SDK2: variants seen among roughly 807,000 people sequenced by gnomAD.
SDK2 encodes the protein protein sidekick-2.
Under a neutral mutation model 253.9 loss-of-function variants are expected in SDK2, and 105 were observed. The ratio of observed to expected loss-of-function variants is 0.41; its 90% CI spans 0.35 to 0.49. The LOEUF is 0.49. Among genes scored for constraint, SDK2 ranks in the 20% least tolerant of loss-of-function variants. SDK2 has a pLI of 0.06. For missense variants in SDK2, 2,608 were observed against 3,003.0 expected (o/e 0.87, Z 3.07); for synonymous variants, 1,249 against 1,234.9 (o/e 1.01, Z -0.24).
intron 5 of SDK2, among the ~76,000 whole-genome samples, chr17:73,446,902 G>C (rs1026527018): frequency 6.6e-6 from 1 of 152,058 alleles, no homozygotes; most frequent in Non-Finnish European, 1.5e-5. Flanking sequence ...CCAGTAGGGA[G>C]AACCAGGCCA....
chr17:73,500,335 T>TC (rs2063879091), intron 2 of SDK2, among the ~76,000 whole-genome samples: 1 of 117,052 alleles, frequency 8.5e-6, no homozygotes, highest in African/African-American at 3.3e-5. Flanking sequence ...CCTCCCTCCA[T>TC]CTCCTCCATC....
At chr17:73,456,166 T>TGAC in intron 3 of SDK2, 113 bp from the exon 4 acceptor site, 1 of 1,211,132 alleles carries the variant, frequency 8.3e-7, no homozygotes, top group South Asian at 1.7e-5. Context: ...GCAGACAGGA[T>TGAC]GACCACAGGG....
chr17:73,602,087 G>A (rs765579533), intron 1 of SDK2, among the ~76,000 whole-genome samples: 12 of 152,180 alleles, frequency 7.9e-5, no homozygotes, highest in African/African-American at 2.2e-4. Flanking sequence ...GCTTCGTTGC[G>A]GCAGCCACAG....
At chr17:73,458,377 C>G (rs1003834109) in intron 3 of SDK2, among the ~76,000 whole-genome samples, 1 of 152,180 alleles carries the variant, frequency 6.6e-6, no homozygotes, top group East Asian at 1.9e-4. Flanking sequence ...CCCAGGCATC[C>G]CCCAGGGCAC....
At chr17:73,605,105 A>C (rs1220993251) in intron 1 of SDK2, among the ~76,000 whole-genome samples, 2 of 152,218 alleles carry the variant, frequency 1.3e-5, no homozygotes, top group Non-Finnish European at 2.9e-5. Context: ...ACCAACATGG[A>C]GATCACAGGC....
chr17:73,548,056 C>T (rs1040984670), intron 1 of SDK2, among the ~76,000 whole-genome samples: 5 of 152,178 alleles, frequency 3.3e-5, no homozygotes, highest in East Asian at 1.9e-4. Context: ...ATTACGAGAA[C>T]GGCGTGATCC....
chr17:73,350,771 G>A lies in SDK2; in HGVS notation c.5778C>T (p.Phe1926=). Residue 1926 remains phenylalanine, a synonymous_variant, in exon 42 of 45, where the codon TTC becomes TTT. Coordinates refer to ENST00000392650, the MANE Select transcript of SDK2 (RefSeq NM_001144952.2). ...QSVPAQKANP[F]YEEWWFLVVI... is the part of the protein sequence containing the mutation. ...CCACCAAGAACCACCACTCCTCATAGAAGGGGTTGGCTTTCTGGGCTGGAG... is the reference window on the plus strand; with the variant it reads ...CCACCAAGAACCACCACTCCTCATAAAAGGGGTTGGCTTTCTGGGCTGGAG... 3 of 1,611,666 alleles carry A rather than the reference G, an allele frequency of 1.9e-6. No individual in the cohort carries two copies. Among genetic ancestry groups the A allele is most frequent in the Non-Finnish European group, 2.5e-6 (3 of 1,179,098 alleles).
At chr17:73,350,576 C>A in intron 42 of SDK2, 74 bp downstream of exon 42, 1 of 1,507,488 alleles carries the variant, frequency 6.6e-7, no homozygotes, top group South Asian at 1.3e-5. Context: ...GGGACCTGAT[C>A]ACCCCTGTTC....
chr17:73,595,269 G>A (rs1227780954), intron 1 of SDK2, among the ~76,000 whole-genome samples: 3 of 152,180 alleles, frequency 2.0e-5, no homozygotes, highest in South Asian at 2.1e-4. Context: ...GCCTGGGGGA[G>A]AGCGTGGCCC....
chr17:73,394,465 C>T, intron 25 of SDK2, 141 bp from the exon 26 acceptor site: 1 of 483,798 alleles, frequency 2.1e-6, no homozygotes, highest in Non-Finnish European at 3.6e-6. Flanking sequence ...ACATGGTCCC[C>T]AAACTGCAAA....
chr17:73,384,025 G>C lies in SDK2; in HGVS notation c.4570-14C>G. ...CTCTGCTGGCGGCTGCAGGAAGGGA[G>C]TAGGGCATGGGGAGGGCACCTGGAC... On this transcript the variant is annotated splice_polypyrimidine_tract_variant and intron_variant, in intron 32 of 44. Coordinates refer to ENST00000392650, the MANE Select transcript of SDK2 (RefSeq NM_001144952.2). 6.2e-7 allele frequency: 1 copy of C among 1,612,210 alleles called. No homozygotes were observed. Among genetic ancestry groups the C allele is most frequent in the Non-Finnish European group, 8.5e-7 (1 of 1,179,214 alleles).
At chr17:73,520,364 C>T (rs1450489361) in intron 1 of SDK2, 1 of 152,302 alleles carries the variant, frequency 6.6e-6, no homozygotes, top group Non-Finnish European at 1.5e-5. Flanking sequence ...AGGTCAAGGC[C>T]ACTTCCCCTC....
At position 73,612,823 on chromosome 17, in the gene SDK2, A is replaced by C. The variant is rs1391477122; in HGVS notation, c.64+31202T>G. ...TCCCAGCTACTCAGGAGGCTGAGGCAGGACAATCTCTTGAACCCAGGAGGC... is the reference window on the plus strand; with the variant it reads ...TCCCAGCTACTCAGGAGGCTGAGGCCGGACAATCTCTTGAACCCAGGAGGC... On this transcript the variant is annotated intron_variant, in intron 1 of 44. Transcript: ENST00000392650. This position sits in a 1 kb window ranked among gnomAD's most constrained non-coding sequence, Gnocchi z 4.4. Among the ~76,000 whole-genome samples the C allele has an allele frequency of 6.6e-6, 1 of 152,200 alleles. No individual in the cohort carries two copies. Among genetic ancestry groups the C allele is most frequent in the Non-Finnish European group, 1.5e-5 (1 of 68,024 alleles).
Position 73,384,679 on chromosome 17 carries a change from G to A in SDK2, c.4570-668C>T, listed in dbSNP as rs147793305. Among the ~76,000 whole-genome samples the A allele has an allele frequency of 6.4e-4, 98 of 152,336 alleles. 1 individual carries two copies. The highest frequency in any genetic ancestry group is 2.3e-3 in the African/African-American group (96 of 41,576). On this transcript the variant is annotated intron_variant, in intron 32 of 44. Transcript: ENST00000392650. ...TACTAAAAATATAAAAATTAGCTGGGTGTGGTGGCATGTGCCTGTAGTCTT... is the reference window on the plus strand; with the variant it reads ...TACTAAAAATATAAAAATTAGCTGGATGTGGTGGCATGTGCCTGTAGTCTT...
chr17:73,401,889 G>A (rs1430265675), intron 19 of SDK2, 57 bp downstream of exon 19: 5 of 1,427,380 alleles, frequency 3.5e-6, no homozygotes, highest in East Asian at 2.4e-5. Context: ...TGCCTGGGGC[G>A]CCCAGCCTGG....
In SDK2 at chr17:73,352,212, G is replaced by C. The variant is rs2062544803; in HGVS notation, c.5758+261C>G. 6.6e-6 allele frequency among the ~76,000 whole-genome samples: 1 copy of C among 152,166 alleles called. No individual in the cohort carries two copies. The highest frequency in any genetic ancestry group is 6.5e-5 in the Admixed American group (1 of 15,274). ...TGGAAGTTTGCATCTTGGGCCCTCT[G>C]CTCTGCCCCTACCCAGGGCTTCTGG... On this transcript the variant is annotated intron_variant, in intron 41 of 44. Coordinates refer to ENST00000392650, the MANE Select transcript of SDK2 (RefSeq NM_001144952.2). This position sits in a 1 kb window ranked among gnomAD's most constrained non-coding sequence, Gnocchi z 4.1.
Position 73,539,562 on chromosome 17 carries a change from G to A in SDK2, c.65-31965C>T, listed in dbSNP as rs562669936. ...GGTTCAGGTCCAAGGACCCTTTGGT[G>A]AAAGCAAGTGACACAGCACCGGAGT... is the stretch of plus-strand genomic sequence containing the variant. On this transcript the variant is annotated intron_variant, in intron 1 of 44. Coordinates refer to ENST00000392650, the MANE Select transcript of SDK2 (RefSeq NM_001144952.2). 1.3e-4 allele frequency among the ~76,000 whole-genome samples: 20 copies of A among 152,254 alleles called. 1 individual carries two copies. The South Asian group carries it at 3.9e-3, about 30-fold the overall frequency.
intron 1 of SDK2, among the ~76,000 whole-genome samples, chr17:73,589,819 C>A (rs967719197): frequency 2.0e-5 from 3 of 152,236 alleles, no homozygotes; most frequent in African/African-American, 7.2e-5. Context: ...AGAGCCACTG[C>A]GGATTAGCAG....
intron 18 of SDK2, among the ~76,000 whole-genome samples, chr17:73,413,764 G>A (rs1305055191): frequency 1.3e-5 from 2 of 152,208 alleles, no homozygotes; most frequent in Non-Finnish European, 2.9e-5. Flanking sequence ...TGCGAGCAGT[G>A]CATAGAGTAG....
Sources: gnomAD v4.1 joint callset for allele counts (sites outside exome capture counted in the v4.1 genomes callset) on GRCh38, gnomAD v4.1.1 for gene constraint, Gnocchi (gnomAD v3.1) non-coding constraint, MANE v1.5 for transcripts, NCBI Gene and HGNC (gene_info 2026-07-23, HGNC 2026-07-21) for gene names.